The following PSMD1 variants were observed in gnomAD, a reference collection of about 807,000 sequenced individuals.
PSMD1 encodes proteasome 26S subunit, non-ATPase 1.
PSMD1 carries 18 observed loss-of-function variants against 119.0 expected under a neutral mutation model. The observed-to-expected ratio is 0.15, with a 90% CI of 0.10 to 0.22. The LOEUF (loss-of-function observed/expected upper bound fraction) is 0.22. Among genes scored for constraint, PSMD1 ranks in the 10% least tolerant of loss-of-function variants. The pLI is 1.00. For missense variants in PSMD1, 702 were observed against 1,158.5 expected (o/e 0.61, Z 5.72); for synonymous variants, 374 against 396.6 (o/e 0.94, Z 0.68).
chr2:231,140,452 C>T (rs990013952), intron 17 of PSMD1, among the ~76,000 whole-genome samples: 2 of 140,736 alleles, frequency 1.4e-5, no homozygotes, highest in Non-Finnish European at 3.1e-5. Context: ...GCCAAAATCC[C>T]GCTATTGCAC....
chr2:231,089,305 A>G (rs1694528981), intron 16 of PSMD1, among the ~76,000 whole-genome samples: 3 of 152,220 alleles, frequency 2.0e-5, no homozygotes, highest in Admixed American at 2.0e-4. Context: ...CAGATTTTCC[A>G]TGTAGACAGA....
At chr2:231,070,274 T>C (rs1205143702) in intron 6 of PSMD1, 106 bp downstream of exon 6, 1 of 939,494 alleles carries the variant, frequency 1.1e-6, no homozygotes, top group African/African-American at 1.7e-5. Flanking sequence ...GCTTTATACA[T>C]GTATCTCAGC....
At chr2:231,156,325 A>G (rs1040861408) in intron 19 of PSMD1, among the ~76,000 whole-genome samples, 4 of 152,166 alleles carry the variant, frequency 2.6e-5, no homozygotes, top group Admixed American at 2.0e-4. Context: ...GCTTACAATC[A>G]ATGAGCCAAT....
At chr2:231,125,667 T>G (rs554171074) in intron 16 of PSMD1, among the ~76,000 whole-genome samples, 9 of 152,326 alleles carry the variant, frequency 5.9e-5, no homozygotes, top group African/African-American at 2.2e-4. Context: ...AGACTTTACG[T>G]TGGAGAAAAT....
chr2:231,157,200 T>C (rs951707660), intron 19 of PSMD1, among the ~76,000 whole-genome samples: 3 of 152,114 alleles, frequency 2.0e-5, no homozygotes, highest in Non-Finnish European at 2.9e-5. Flanking sequence ...TTGTTAAGAA[T>C]TGGGGGAGAC....
chr2:231,144,177 C>T (rs1428866759), intron 17 of PSMD1, among the ~76,000 whole-genome samples: 1 of 151,832 alleles, frequency 6.6e-6, no homozygotes, highest in Non-Finnish European at 1.5e-5. Flanking sequence ...CCCACCTTGC[C>T]TCTCAGAGTG....
chr2:231,059,198 A>G (rs1210259690), intron 1 of PSMD1, among the ~76,000 whole-genome samples: 1 of 152,194 alleles, frequency 6.6e-6, no homozygotes, highest in Non-Finnish European at 1.5e-5. Context: ...TCCTATCCTG[A>G]GATTCTGTGA....
At chr2:231,155,706 T>C (rs1395352989) in intron 19 of PSMD1, among the ~76,000 whole-genome samples, 2 of 151,974 alleles carry the variant, frequency 1.3e-5, no homozygotes, top group Non-Finnish European at 2.9e-5. Flanking sequence ...TTTTAACTTA[T>C]TTGTCTAATG....
intron 16 of PSMD1, among the ~76,000 whole-genome samples, chr2:231,103,410 G>A (rs1480427518): frequency 1.3e-5 from 2 of 152,082 alleles, no homozygotes; most frequent in East Asian, 1.9e-4. Flanking sequence ...GTGACTTATT[G>A]GGCCTGATTG....
intron 16 of PSMD1, among the ~76,000 whole-genome samples, chr2:231,088,070 C>T (rs918546477): frequency 6.6e-6 from 1 of 152,072 alleles, no homozygotes; most frequent in Non-Finnish European, 1.5e-5. Flanking sequence ...CCTCTTTGCG[C>T]CTCAGTTTCC....
At chr2:231,105,376 T>C (rs923329675) in intron 16 of PSMD1, among the ~76,000 whole-genome samples, 2 of 152,206 alleles carry the variant, frequency 1.3e-5, no homozygotes, top group African/African-American at 4.8e-5. Flanking sequence ...TAACAACTTA[T>C]GCAGTACTGT....
At chr2:231,161,208 A>G in intron 19 of PSMD1, 132 bp from the exon 20 acceptor site, 1 of 863,610 alleles carries the variant, frequency 1.2e-6, no homozygotes, top group Non-Finnish European at 1.7e-6. Context: ...CTGTCACCCG[A>G]GCTTGGGTAA....
intron 17 of PSMD1, among the ~76,000 whole-genome samples, chr2:231,139,890 T>A (rs1696064381): frequency 6.6e-6 from 1 of 152,186 alleles, no homozygotes; most frequent in Admixed American, 6.5e-5. Flanking sequence ...ATGAGATTCA[T>A]AAAGAAATGT....
chr2:231,168,150 C>G lies in PSMD1; in HGVS notation c.2715+2133C>G, dbSNP rs114580734. Among the ~76,000 whole-genome samples, 1,060 of 152,320 alleles carry G rather than the reference C, an allele frequency of 7.0e-3. 18 individuals are homozygous for G. Among genetic ancestry groups the G allele is most frequent in the African/African-American group, 0.025 (1,023 of 41,556 alleles). On this transcript the variant is annotated intron_variant, in intron 23 of 24. Coordinates refer to ENST00000308696, the MANE Select transcript of PSMD1 (RefSeq NM_002807.4). Reference sequence around the variant, plus strand: ...TATCACATTCTACCCACCAGGATGGCTGTAATCAAAAAGACCGCACAGACA... The same window carrying G: ...TATCACATTCTACCCACCAGGATGGGTGTAATCAAAAAGACCGCACAGACA...
chr2:231,123,308 G>A (rs2125232490), intron 16 of PSMD1: 1 of 863,826 alleles, frequency 1.2e-6, no homozygotes, highest in East Asian at 2.6e-5. Context: ...AATAGTCCAA[G>A]TTCATCTTTT....
intron 16 of PSMD1, among the ~76,000 whole-genome samples, chr2:231,138,076 T>G (rs1364799780): frequency 6.6e-6 from 1 of 152,188 alleles, no homozygotes; most frequent in Admixed American, 6.5e-5. Context: ...CCTGCTGCTC[T>G]TCAAGGATAG....
intron 16 of PSMD1, among the ~76,000 whole-genome samples, chr2:231,110,307 A>G (rs1339919187): frequency 1.3e-5 from 2 of 152,166 alleles, no homozygotes; most frequent in African/African-American, 2.4e-5. Context: ...GCGACAAAGT[A>G]AGACTCTGTC....
intron 4 of PSMD1, 145 bp from the exon 5 acceptor site, chr2:231,066,761 C>A: frequency 1.7e-6 from 1 of 600,726 alleles, no homozygotes. Flanking sequence ...GAACAGTATT[C>A]AAATGCATAA....
chr2:231,101,402 C>T (rs1264912899), intron 16 of PSMD1, among the ~76,000 whole-genome samples: 1 of 152,142 alleles, frequency 6.6e-6, no homozygotes, highest in Non-Finnish European at 1.5e-5. Context: ...CTTTTCCCAC[C>T]ACCCTGACCG....
Sources: gnomAD v4.1 joint callset for allele counts (sites outside exome capture counted in the v4.1 genomes callset) on GRCh38, gnomAD v4.1.1 for gene constraint, MANE v1.5 for transcripts, NCBI Gene and HGNC (gene_info 2026-07-23, HGNC 2026-07-21) for gene names.